The following SUCLG1 variants were observed in gnomAD, a reference collection of about 807,000 sequenced individuals.
SUCLG1 encodes the protein succinate--CoA ligase [ADP/GDP-forming] subunit alpha, mitochondrial.
In SUCLG1, 26 loss-of-function variants were observed where a neutral mutation model predicts 37.3. The ratio of observed to expected loss-of-function variants is 0.70; its 90% CI spans 0.51 to 0.97. The LOEUF (loss-of-function observed/expected upper bound fraction) is 0.97. SUCLG1 is among the 50% of genes least tolerant of loss of function. The pLI, the probability that SUCLG1 is intolerant of heterozygous loss-of-function variation, is 0.00. For synonymous variants in SUCLG1, 163 were observed against 155.6 expected, an observed-to-expected ratio of 1.05 and a Z score of -0.36; for missense variants, 433 against 432.9, an observed-to-expected ratio of 1.00 and a Z score of 0.00.
intron 1 of SUCLG1, among the ~76,000 whole-genome samples, chr2:84,454,448 A>G (rs1314556009): frequency 6.6e-6 from 1 of 152,234 alleles, no homozygotes; most frequent in African/African-American, 2.4e-5. Flanking sequence ...TATATCCCTA[A>G]GAGCTTTTTA....
chr2:84,428,649 C>T (rs935018994), intron 7 of SUCLG1, among the ~76,000 whole-genome samples: 2 of 152,160 alleles, frequency 1.3e-5, no homozygotes, highest in Non-Finnish European at 2.9e-5. Context: ...TAACAAAGAG[C>T]CATTGGAGGC....
intron 2 of SUCLG1, 42 bp from the exon 3 acceptor site, chr2:84,443,442 G>T: frequency 6.4e-7 from 1 of 1,571,474 alleles, no homozygotes; most frequent in Non-Finnish European, 8.8e-7. Flanking sequence ...ACAGCAGACT[G>T]GTAAGCCCAA....
At chr2:84,433,286 T>C (rs1464430182) in intron 6 of SUCLG1, 66 bp downstream of exon 6, 2 of 1,266,672 alleles carry the variant, frequency 1.6e-6, no homozygotes, top group Non-Finnish European at 2.3e-6. Flanking sequence ...AATCAATAAT[T>C]ATTATTATAC....
intron 7 of SUCLG1, among the ~76,000 whole-genome samples, chr2:84,427,367 T>C (rs1672549028): frequency 6.6e-6 from 1 of 152,250 alleles, no homozygotes; most frequent in African/African-American, 2.4e-5. Context: ...CCTTGTTAAT[T>C]TAAAACTCAT....
At chr2:84,428,172 C>T (rs1182924722) in intron 7 of SUCLG1, among the ~76,000 whole-genome samples, 1 of 152,182 alleles carries the variant, frequency 6.6e-6, no homozygotes, top group African/African-American at 2.4e-5. Context: ...TCCTACTTAA[C>T]TTTTAAGATC....
intron 8 of SUCLG1, among the ~76,000 whole-genome samples, chr2:84,424,764 T>A (rs1428129624): frequency 1.3e-5 from 2 of 151,932 alleles, no homozygotes; most frequent in Non-Finnish European, 2.9e-5. Flanking sequence ...AGAGACAAGC[T>A]GAAAATCAGT....
chr2:84,448,659 T>C (rs939403818), intron 2 of SUCLG1, among the ~76,000 whole-genome samples: 9 of 152,082 alleles, frequency 5.9e-5, no homozygotes, highest in Admixed American at 1.3e-4. Context: ...AAAAAAATTC[T>C]GTGCATCTAC....
intron 1 of SUCLG1, among the ~76,000 whole-genome samples, chr2:84,455,794 C>A (rs921716971): frequency 6.7e-6 from 1 of 149,312 alleles, no homozygotes; most frequent in African/African-American, 2.5e-5. Flanking sequence ...AGAGATCACG[C>A]CACTGCACTC....
chr2:84,444,198 C>T (rs1255498176), intron 2 of SUCLG1, among the ~76,000 whole-genome samples: 1 of 152,170 alleles, frequency 6.6e-6, no homozygotes, highest in Admixed American at 6.5e-5. Context: ...TTTCTCTCTC[C>T]TTAGTATTGG....
At chr2:84,423,956 A>G (rs1008117162) in intron 8 of SUCLG1, among the ~76,000 whole-genome samples, 184 bp from the exon 9 acceptor site, 1 of 152,244 alleles carries the variant, frequency 6.6e-6, no homozygotes, top group African/African-American at 2.4e-5. Context: ...TTTCAAAATC[A>G]GTCTGTGTCA....
At chr2:84,431,133 GA>G (rs1672607564) in intron 7 of SUCLG1, among the ~76,000 whole-genome samples, 1 of 152,098 alleles carries the variant, frequency 6.6e-6, no homozygotes, top group African/African-American at 2.4e-5. Flanking sequence ...GGTCAGCCTT[GA>G]AAAAGAGAAA....
In SUCLG1 at chr2:84,423,685, C is replaced by G. The variant is rs1328038821; in HGVS notation, c.*61G>C. 6.6e-5 allele frequency: 100 copies of G among 1,519,572 alleles called. No homozygotes were observed. Among genetic ancestry groups the G allele is most frequent in the Non-Finnish European group, 3.4e-5 (38 of 1,105,970 alleles). 94.1% of individuals were successfully genotyped at this position (1,519,572 alleles called of 1,614,324 possible). ...TTAATCAGTGGACAACAGAAGCAAA[C>G]TGCTGCTGGGTTACATGTCTACGTG... On this transcript the variant is annotated 3_prime_UTR_variant, in exon 9 of 9. Coordinates refer to ENST00000393868, the MANE Select transcript of SUCLG1 (RefSeq NM_003849.4).
intron 6 of SUCLG1, chr2:84,432,937 T>A (rs1373128110): frequency 7.0e-5 from 17 of 242,060 alleles, no homozygotes; most frequent in Non-Finnish European, 1.4e-4. Context: ...ACAGTACAAT[T>A]TTCCAGCTCA....
intron 7 of SUCLG1, chr2:84,427,044 T>C (rs7559546): frequency 0.053 from 8,098 of 153,870 alleles, 468 homozygotes; most frequent in African/African-American, 0.14. Flanking sequence ...AAAACCATTC[T>C]AGTGAGAAGA....
chr2:84,447,265 A>T (rs1672864319), intron 2 of SUCLG1, among the ~76,000 whole-genome samples: 2 of 151,736 alleles, frequency 1.3e-5, no homozygotes, highest in Admixed American at 1.3e-4. Context: ...AATCTGAATC[A>T]ACAAACCTGA....
chr2:84,456,574 G>T (rs936523109), intron 1 of SUCLG1, among the ~76,000 whole-genome samples: 1 of 151,878 alleles, frequency 6.6e-6, no homozygotes, highest in Non-Finnish European at 1.5e-5. Flanking sequence ...CAACTTCAAG[G>T]GTGCTTATGA....
At chr2:84,424,207 A>G (rs1672497605) in intron 8 of SUCLG1, among the ~76,000 whole-genome samples, 1 of 152,246 alleles carries the variant, frequency 6.6e-6, no homozygotes, top group South Asian at 2.1e-4. Flanking sequence ...TGTTACAAGG[A>G]TTTGAACAAA....
chr2:84,454,579 C>A (rs765896073), intron 1 of SUCLG1, among the ~76,000 whole-genome samples: 11 of 152,184 alleles, frequency 7.2e-5, no homozygotes, highest in Non-Finnish European at 1.2e-4. Context: ...CAGGCCCTAC[C>A]CACATGAAGT....
chr2:84,448,999 T>C (rs890645678), intron 2 of SUCLG1: 4 of 364,912 alleles, frequency 1.1e-5, no homozygotes, highest in African/African-American at 2.2e-5. Flanking sequence ...TGTGGCATTT[T>C]ATTATAGAAT....
Sources: allele counts gnomAD v4.1 joint callset (sites outside exome capture counted in the v4.1 genomes callset), GRCh38; gene constraint gnomAD v4.1.1; transcripts MANE v1.5; gene names NCBI Gene and HGNC (gene_info 2026-07-23, HGNC 2026-07-21).